Variants in ADAM23 observed in about 807,000 individuals in gnomAD.
ADAM23 encodes the protein disintegrin and metalloproteinase domain-containing protein 23.
In ADAM23, 33 loss-of-function variants were observed where a neutral mutation model predicts 120.1. The ratio of observed to expected loss-of-function variants is 0.27; its 90% CI spans 0.21 to 0.37. The LOEUF is 0.37. Ranked by LOEUF, ADAM23 falls within the 10% of genes least tolerant of loss-of-function variation. ADAM23 has a pLI of 1.00. For synonymous variants in ADAM23, 367 were observed against 375.2 expected, an observed-to-expected ratio of 0.98 and a Z score of 0.25; for missense variants, 862 against 1,058.2, an observed-to-expected ratio of 0.81 and a Z score of 2.57.
chr2:206,464,825 C>T (rs1695508772), intron 2 of ADAM23, among the ~76,000 whole-genome samples: 2 of 151,970 alleles, frequency 1.3e-5, no homozygotes, highest in South Asian at 4.2e-4. Context: ...CCAAATGTAC[C>T]ACAGGGCACA....
At chr2:206,571,197 C>T (rs373392995) in intron 16 of ADAM23, among the ~76,000 whole-genome samples, 19 of 152,246 alleles carry the variant, frequency 1.2e-4, no homozygotes, top group African/African-American at 4.3e-4. Flanking sequence ...CTTTCTCGGC[C>T]GGGCGCGGTG....
Position 206,516,598 on chromosome 2 carries a change from T to C in ADAM23, c.510-14287T>C, listed in dbSNP as rs530160721. Reference sequence around the variant, plus strand: ...GAGAGAGAGGGAGAGACAAAGTTCTTTGGTCTCTTCTTAAAAAAGAGAGGA... The same window carrying C: ...GAGAGAGAGGGAGAGACAAAGTTCTCTGGTCTCTTCTTAAAAAAGAGAGGA... On this transcript the variant is annotated intron_variant, in intron 3 of 25. Coordinates refer to ENST00000264377, the MANE Select transcript of ADAM23 (RefSeq NM_003812.4). Among the ~76,000 whole-genome samples, 110 of 152,018 alleles carry C rather than the reference T, an allele frequency of 7.2e-4. 3 individuals carry two copies. Among genetic ancestry groups the C allele is most frequent in the Non-Finnish European group, 7.2e-4 (49 of 68,004 alleles).
chr2:206,534,076 T>C (rs562857525), intron 4 of ADAM23, among the ~76,000 whole-genome samples: 1 of 152,348 alleles, frequency 6.6e-6, no homozygotes, highest in East Asian at 1.9e-4. Context: ...GTTTTTAGTA[T>C]ATCTACAGAA....
chr2:206,473,230 CTTA>C (rs1695697334), intron 2 of ADAM23, among the ~76,000 whole-genome samples: 1 of 152,108 alleles, frequency 6.6e-6, no homozygotes, highest in Non-Finnish European at 1.5e-5. Flanking sequence ...TTAGCAAATA[CTTA>C]TTAACACTTT....
At chr2:206,600,774 G>C (rs1013775134) in intron 24 of ADAM23, among the ~76,000 whole-genome samples, 3 of 152,040 alleles carry the variant, frequency 2.0e-5, no homozygotes, top group African/African-American at 7.2e-5. Context: ...AGGCATGCTA[G>C]ATTATTCACG....
rs115425396 is a variant in ADAM23 at position 206,466,587 on chromosome 2, T to C, written c.433-14645T>C. Among the ~76,000 whole-genome samples the C allele has an allele frequency of 5.2e-3, 791 of 152,328 alleles. 3 individuals carry two copies. Among genetic ancestry groups the C allele is most frequent in the Non-Finnish European group, 8.9e-3 (605 of 68,022 alleles). Reference sequence around the variant, plus strand: ...TCCCTAATATGCCCTTATTTACTCATTCATATGTCTCTCATTTACTCACTT... The same window carrying C: ...TCCCTAATATGCCCTTATTTACTCACTCATATGTCTCTCATTTACTCACTT... On this transcript the variant is annotated intron_variant, in intron 2 of 25. Coordinates refer to ENST00000264377, the MANE Select transcript of ADAM23 (RefSeq NM_003812.4).
intron 3 of ADAM23, among the ~76,000 whole-genome samples, chr2:206,510,360 G>A (rs887326798): frequency 2.6e-5 from 4 of 152,156 alleles, no homozygotes; most frequent in Non-Finnish European, 2.9e-5. Flanking sequence ...GTATGGAGTC[G>A]TTTAAAAAGA....
At chr2:206,494,778 A>G (rs1696203533) in intron 3 of ADAM23, among the ~76,000 whole-genome samples, 1 of 152,222 alleles carries the variant, frequency 6.6e-6, no homozygotes, top group Non-Finnish European at 1.5e-5. Flanking sequence ...TGCAAAAATG[A>G]GTACTACTGA....
At position 206,489,517 on chromosome 2, in the gene ADAM23, G is replaced by C. The variant is rs185935817; in HGVS notation, c.509+8209G>C. Among the ~76,000 whole-genome samples, 3 of 152,162 alleles carry C rather than the reference G, an allele frequency of 2.0e-5. No homozygotes were observed. In the East Asian group the frequency reaches 5.8e-4, roughly 29 times the overall value. On this transcript the variant is annotated intron_variant, in intron 3 of 25. Transcript: ENST00000264377. ...TCGGGGTTTATGATGCTGCTAACTC[G>C]AAGGTTAAATGCTTTACTTCCCAGT...
At chr2:206,548,564 G>A (rs971556155) in intron 8 of ADAM23, among the ~76,000 whole-genome samples, 2 of 152,102 alleles carry the variant, frequency 1.3e-5, no homozygotes, top group Non-Finnish European at 2.9e-5. Context: ...AACTGATTAC[G>A]GTAGTCTCTG....
At chr2:206,497,039 C>T (rs1266399302) in intron 3 of ADAM23, among the ~76,000 whole-genome samples, 1 of 152,072 alleles carries the variant, frequency 6.6e-6, no homozygotes, top group Admixed American at 6.6e-5. Context: ...AAGTCCAGGA[C>T]CAGATGGATT....
chr2:206,575,872 C>G (rs1478780959), intron 18 of ADAM23, among the ~76,000 whole-genome samples: 2 of 152,076 alleles, frequency 1.3e-5, no homozygotes, highest in Non-Finnish European at 2.9e-5. Context: ...CACTCCACCT[C>G]CCAATGATGG....
chr2:206,551,327 C>G (rs1026606103), intron 9 of ADAM23, among the ~76,000 whole-genome samples: 3 of 152,134 alleles, frequency 2.0e-5, no homozygotes, highest in African/African-American at 7.2e-5. Context: ...GGAGCTGGCT[C>G]CAGCAACCAC....
Position 206,547,433 on chromosome 2 carries a change from G to A in ADAM23, c.725G>A (p.Ser242Asn). The A allele has an allele frequency of 6.2e-7, 1 of 1,611,810 alleles. No individual in the cohort carries two copies. The highest frequency in any genetic ancestry group is 8.5e-7 in the Non-Finnish European group (1 of 1,178,706). ...CCTACAATTGTTTTGTTTCAGAAAA[G>A]CACAGGTCGACCACATATAATCCAG... ...EPLELVHDEK[S>N]TGRPHIIQKT... The change falls in exon 7 of 26, where the codon AGC becomes AAC. Residue 242 changes from serine (S) to asparagine (N), a missense_variant. By Grantham distance (46) the Ser-to-Asn change is conservative. Around this residue, in one of 4 missense-constraint regions of ADAM23, gnomAD observed 617 missense variants for 813.5 expected, o/e 0.76. Transcript: ENST00000264377.
Position 206,444,080 on chromosome 2 carries a change from G to T in ADAM23, c.214G>T (p.Ala72Ser). The T allele has an allele frequency of 7.4e-7, 1 of 1,356,358 alleles. No homozygotes were observed. The highest frequency in any genetic ancestry group is 9.5e-7 in the Non-Finnish European group (1 of 1,053,796). 84.0% of individuals were successfully genotyped at this position (1,356,358 alleles called of 1,614,324 possible). The change falls in exon 1 of 26, where the codon GCT becomes TCT. Residue 72 changes from alanine (A) to serine (S), a missense_variant and splice_region_variant. Ala to Ser is a moderately conservative substitution (Grantham distance 99). Around this residue, in one of 4 missense-constraint regions of ADAM23, gnomAD observed 225 missense variants for 204.0 expected, o/e 1.10. Coordinates refer to ENST00000264377, the MANE Select transcript of ADAM23 (RefSeq NM_003812.4). ...PRAWGAAAPS[A>S]PHWNETAEKN... is the part of the protein sequence containing the mutation. ...CGCCTGGGGGGCTGCTGCGCCCAGC[G>T]GTGGGTATGGCCCCGTGCCCTTTGC...
chr2:206,555,149 C>T (rs1209777800), intron 9 of ADAM23, among the ~76,000 whole-genome samples: 1 of 152,008 alleles, frequency 6.6e-6, no homozygotes, highest in Admixed American at 6.6e-5. Context: ...TAGCTCTAGC[C>T]CCTTAAGTTC....
Position 206,557,507 on chromosome 2 carries a change from C to G in ADAM23, c.1005+9C>G, listed in dbSNP as rs1034164002. On this transcript the variant is annotated intron_variant, in intron 10 of 25. Coordinates refer to ENST00000264377, the MANE Select transcript of ADAM23 (RefSeq NM_003812.4). ...TCAACCTTGTGGATTCTGTAAGTAT[C>G]CTGGTTTTCTTGAATTTGTGTGCCA... is the stretch of plus-strand genomic sequence containing the variant. The G allele has an allele frequency of 7.5e-6, 12 of 1,605,634 alleles. No homozygotes were observed. The highest frequency in any genetic ancestry group is 1.0e-5 in the Non-Finnish European group (12 of 1,172,304).
rs187083042 is a variant in ADAM23, at chr2:206,568,981, G to A, written c.1494+1659G>A. ...AACAGGACTTTCAAAGTGACCTTGC[G>A]TCGTGAAAGTCAGTTGCCTGCCTTT... On this transcript the variant is annotated intron_variant, in intron 15 of 25. Transcript: ENST00000264377. Among the ~76,000 whole-genome samples the A allele has an allele frequency of 2.5e-3, 376 of 152,284 alleles. 5 individuals are homozygous for A. The highest frequency in any genetic ancestry group is 7.7e-3 in the African/African-American group (320 of 41,550).
chr2:206,543,638 A>G (rs993227852), intron 6 of ADAM23, among the ~76,000 whole-genome samples: 5 of 152,200 alleles, frequency 3.3e-5, no homozygotes, highest in African/African-American at 7.2e-5. Flanking sequence ...AGAAGTCATT[A>G]TATGAAAAAG....
Sources: gnomAD v4.1 joint callset for allele counts (sites outside exome capture counted in the v4.1 genomes callset) on GRCh38, gnomAD v4.1.1 for gene constraint, gnomAD v4.1.1 regional missense constraint, MANE v1.5 for transcripts, NCBI Gene and HGNC (gene_info 2026-07-23, HGNC 2026-07-21) for gene names.